Variants in PPP3R1 observed in about 807,000 individuals in gnomAD.
PPP3R1 encodes the protein calcineurin subunit B type 1.
A neutral mutation model predicts 22.6 loss-of-function variants in PPP3R1; 5 were observed. The ratio of observed to expected loss-of-function variants is 0.22; its 90% CI spans 0.12 to 0.46. The LOEUF (loss-of-function observed/expected upper bound fraction) is 0.46. PPP3R1 is among the 20% of genes least tolerant of loss of function. The probability of loss-of-function intolerance (pLI) is 0.99; values close to 1 mark genes in which losing one functional copy is unlikely to be tolerated. For synonymous variants in PPP3R1, 56 were observed against 65.2 expected, an observed-to-expected ratio of 0.86 and a Z score of 0.68; for missense variants, 61 against 203.2, an observed-to-expected ratio of 0.30 and a Z score of 4.25.
chr2:68,197,461 T>G (rs1674810723), intron 2 of PPP3R1, among the ~76,000 whole-genome samples: 3 of 152,174 alleles, frequency 2.0e-5, no homozygotes. Context: ...AAAGCTACTA[T>G]AAATATTAAT....
chr2:68,251,990 G>T, intron 1 of PPP3R1, 135 bp downstream of exon 1: 1 of 928,236 alleles, frequency 1.1e-6, no homozygotes, highest in Non-Finnish European at 1.4e-6. Flanking sequence ...AACCGCCGCG[G>T]GACCCGCCGG....
intron 2 of PPP3R1, among the ~76,000 whole-genome samples, chr2:68,202,613 C>T (rs1283119674): frequency 2.0e-5 from 3 of 150,168 alleles, no homozygotes; most frequent in Non-Finnish European, 4.4e-5. Flanking sequence ...TTAGTAGAGA[C>T]GAGGTTTCAC....
chr2:68,199,921 T>C (rs1467308979), intron 2 of PPP3R1, among the ~76,000 whole-genome samples: 6 of 152,186 alleles, frequency 3.9e-5, no homozygotes, highest in Non-Finnish European at 7.4e-5. Flanking sequence ...ATGTCTTTGG[T>C]ATTACCATCA....
intron 2 of PPP3R1, among the ~76,000 whole-genome samples, chr2:68,211,423 A>AAAAAAAAAAC (rs1669484389): frequency 2.0e-5 from 3 of 151,644 alleles, no homozygotes; most frequent in Non-Finnish European, 4.4e-5. Flanking sequence ...AAAAAAAAAA[A>AAAAAAAAAAC]AACTCTATTG....
intron 1 of PPP3R1, 119 bp from the exon 2 acceptor site, chr2:68,217,250 C>A: frequency 3.5e-6 from 2 of 576,936 alleles, no homozygotes; most frequent in Non-Finnish European, 6.2e-6. Context: ...AATAATATGA[C>A]CACATATATA....
chr2:68,219,353 T>G (rs559673313), intron 1 of PPP3R1, among the ~76,000 whole-genome samples: 2 of 152,324 alleles, frequency 1.3e-5, no homozygotes, highest in Admixed American at 6.5e-5. Flanking sequence ...TCAATATAAT[T>G]TTGTTCCACG....
intron 1 of PPP3R1, among the ~76,000 whole-genome samples, chr2:68,248,093 C>G (rs186342155): frequency 8.6e-4 from 131 of 152,268 alleles, no homozygotes; most frequent in African/African-American, 3.1e-3. Context: ...ACACTACCCC[C>G]TTCCTCTCCA....
intron 2 of PPP3R1, among the ~76,000 whole-genome samples, chr2:68,198,062 C>CAAAAAAAAAAAAAAAAAAAAAAAAAAA (rs199824687): frequency 7.1e-5 from 3 of 42,002 alleles, no homozygotes; most frequent in African/African-American, 2.2e-4. Flanking sequence ...GCACCTTTGG[C>CAAAAAAAAAAAAAAAAAAAAAAAAAAA]AAAAAAAAAA....
intron 1 of PPP3R1, among the ~76,000 whole-genome samples, chr2:68,217,865 G>C (rs1669609064): frequency 6.6e-6 from 1 of 152,026 alleles, no homozygotes; most frequent in South Asian, 2.1e-4. Context: ...AGAAAAACTA[G>C]AGACCTGGGT....
At chr2:68,191,294 CAAAA>C (rs1159895963) in intron 2 of PPP3R1, among the ~76,000 whole-genome samples, 1 of 152,178 alleles carries the variant, frequency 6.6e-6, no homozygotes, top group East Asian at 1.9e-4. Flanking sequence ...TCCTAGGCTA[CAAAA>C]TCTGTACAGC....
intron 1 of PPP3R1, among the ~76,000 whole-genome samples, chr2:68,240,139 A>C (rs1185357401): frequency 6.6e-6 from 1 of 152,206 alleles, no homozygotes; most frequent in Non-Finnish European, 1.5e-5. Context: ...TAAGTCAAGG[A>C]GCATTTGTAA....
intron 3 of PPP3R1, among the ~76,000 whole-genome samples, chr2:68,187,919 G>A (rs1356891843): frequency 6.6e-6 from 1 of 151,880 alleles, no homozygotes; most frequent in Non-Finnish European, 1.5e-5. Context: ...TGTAATCCCA[G>A]CATTTTGGGA....
At chr2:68,234,068 G>A (rs1014689453) in intron 1 of PPP3R1, among the ~76,000 whole-genome samples, 6 of 152,164 alleles carry the variant, frequency 3.9e-5, no homozygotes, top group Non-Finnish European at 1.5e-5. Context: ...TTAAGGCCGG[G>A]CACGGTGGCT....
intron 1 of PPP3R1, among the ~76,000 whole-genome samples, chr2:68,241,712 C>T (rs532707947): frequency 6.6e-6 from 1 of 152,142 alleles, no homozygotes; most frequent in East Asian, 1.9e-4. Flanking sequence ...GGCACGGAGG[C>T]ACATGCCTGT....
chr2:68,180,009 G>A lies in PPP3R1; in HGVS notation c.*954C>T, dbSNP rs1243686198. The A allele has an allele frequency of 6.6e-6, 1 of 152,160 alleles. No individual in the cohort carries two copies. Among genetic ancestry groups the A allele is most frequent in the African/African-American group, 2.4e-5 (1 of 41,430 alleles). 9.4% of individuals were successfully genotyped at this position (152,160 alleles called of 1,614,324 possible). A position where few individuals can be genotyped will look rare whatever the true frequency, so the allele number is the denominator to read the frequency against. On this transcript the variant is annotated 3_prime_UTR_variant, in exon 6 of 6. Coordinates refer to ENST00000234310, the MANE Select transcript of PPP3R1 (RefSeq NM_000945.4). ...TATTTACCCATGTAATCAAACAAATGGATATCCCTTATAAGTAGTTACATG... is the reference window on the plus strand; with the variant it reads ...TATTTACCCATGTAATCAAACAAATAGATATCCCTTATAAGTAGTTACATG...
At chr2:68,200,255 T>C (rs1674947682) in intron 2 of PPP3R1, among the ~76,000 whole-genome samples, 2 of 152,236 alleles carry the variant, frequency 1.3e-5, no homozygotes, top group Admixed American at 6.5e-5. Flanking sequence ...ATGATTTCAG[T>C]GCTTTCATTA....
At chr2:68,184,319 C>T (rs1458999021) in intron 5 of PPP3R1, among the ~76,000 whole-genome samples, 1 of 152,208 alleles carries the variant, frequency 6.6e-6, no homozygotes, top group East Asian at 1.9e-4. Flanking sequence ...TCTCAGATTT[C>T]CAAGCTGATA....
At chr2:68,237,827 T>C (rs1419964560) in intron 1 of PPP3R1, among the ~76,000 whole-genome samples, 1 of 152,140 alleles carries the variant, frequency 6.6e-6, no homozygotes, top group African/African-American at 2.4e-5. Flanking sequence ...CACTAACACT[T>C]TATTAGCTGT....
At chr2:68,185,716 C>T (rs1572950377) in intron 5 of PPP3R1, among the ~76,000 whole-genome samples, 1 of 152,056 alleles carries the variant, frequency 6.6e-6, no homozygotes. Context: ...GGAGGTAAAA[C>T]GGAAGGGACA....
Sources: allele counts gnomAD v4.1 joint callset (sites outside exome capture counted in the v4.1 genomes callset), GRCh38; gene constraint gnomAD v4.1.1; transcripts MANE v1.5; gene names NCBI Gene and HGNC (gene_info 2026-07-23, HGNC 2026-07-21).